PICALM: variants seen among roughly 807,000 people sequenced by gnomAD.
PICALM encodes the protein phosphatidylinositol-binding clathrin assembly protein.
In PICALM, 40 loss-of-function variants were observed where a neutral mutation model predicts 80.5. The ratio of observed to expected loss-of-function variants is 0.50; its 90% CI spans 0.39 to 0.65. PICALM has a LOEUF of 0.65. Among genes scored for constraint, PICALM ranks in the 30% least tolerant of loss-of-function variants. The pLI, the probability that PICALM is intolerant of heterozygous loss-of-function variation, is 0.00. For missense variants in PICALM, 676 were observed against 778.9 expected (o/e 0.87, Z 1.57); for synonymous variants, 288 against 260.3 (o/e 1.11, Z -1.02).
chr11:86,062,301 G>C (rs1260138226), intron 1 of PICALM, among the ~76,000 whole-genome samples: 1 of 152,154 alleles, frequency 6.6e-6, no homozygotes, highest in Non-Finnish European at 1.5e-5. Flanking sequence ...TGGATCACCT[G>C]AGGTCAGGAG....
intron 17 of PICALM, among the ~76,000 whole-genome samples, chr11:85,977,170 TACTC>T (rs1278735805): frequency 6.6e-6 from 1 of 152,210 alleles, no homozygotes; most frequent in Non-Finnish European, 1.5e-5. Context: ...CTAAGGATCT[TACTC>T]ACTCTTTTCA....
At chr11:85,969,273 T>G (rs1378401719) in intron 19 of PICALM, among the ~76,000 whole-genome samples, 1 of 152,182 alleles carries the variant, frequency 6.6e-6, no homozygotes, top group Non-Finnish European at 1.5e-5. Flanking sequence ...AATGTTAACT[T>G]GATATAATAG....
At chr11:86,011,914 G>C (rs1174283522) in intron 6 of PICALM, among the ~76,000 whole-genome samples, 1 of 147,284 alleles carries the variant, frequency 6.8e-6, no homozygotes, top group Non-Finnish European at 1.5e-5. Flanking sequence ...ACAATGGCAC[G>C]ATCTAGGCTC....
intron 1 of PICALM, among the ~76,000 whole-genome samples, chr11:86,055,015 T>C (rs925887385): frequency 1.3e-5 from 2 of 152,288 alleles, no homozygotes; most frequent in East Asian, 3.9e-4. Context: ...TTTTTAAATG[T>C]TGGCAAAAAT....
chr11:86,068,520 G>T, intron 1 of PICALM, 131 bp downstream of exon 1: 4 of 824,356 alleles, frequency 4.9e-6, no homozygotes, highest in South Asian at 3.6e-5. Flanking sequence ...AACGGGCACA[G>T]GACCGGCCGT....
At chr11:85,981,820 C>T in intron 15 of PICALM, 45 bp from the exon 16 acceptor site, 2 of 1,610,946 alleles carry the variant, frequency 1.2e-6, no homozygotes, top group Non-Finnish European at 1.7e-6. Context: ...ACACGAGACG[C>T]AGTTTAATAA....
At chr11:85,967,722 A>G (rs1193779103) in intron 19 of PICALM, among the ~76,000 whole-genome samples, 2 of 152,224 alleles carry the variant, frequency 1.3e-5, no homozygotes, top group Non-Finnish European at 2.9e-5. Context: ...AACAACAACA[A>G]CAAAACCAAA....
In PICALM at chr11:85,974,524, C is replaced by A; in HGVS notation, c.1944+184G>T. On this transcript the variant is annotated intron_variant, in intron 19 of 19. Transcript: ENST00000393346. Reference sequence around the variant, plus strand: ...TCTTTAGTATTTGCTATCTACTTATCCTTTCCCTCCAAATAATCAATATTC... The same window carrying A: ...TCTTTAGTATTTGCTATCTACTTATACTTTCCCTCCAAATAATCAATATTC... The A allele has an allele frequency of 8.5e-6, 6 of 709,736 alleles. No homozygotes were observed. The East Asian group carries it at 1.3e-4, about 16-fold the overall frequency. 44.0% of individuals were successfully genotyped at this position (709,736 alleles called of 1,614,324 possible).
chr11:85,966,507 AAAGT>A (rs2093904537), intron 19 of PICALM, among the ~76,000 whole-genome samples: 2 of 151,096 alleles, frequency 1.3e-5, no homozygotes, highest in South Asian at 4.2e-4. Flanking sequence ...TAAAGTACAC[AAAGT>A]AATACCACAA....
intron 12 of PICALM, among the ~76,000 whole-genome samples, chr11:85,990,783 G>C (rs1489746122): frequency 1.3e-5 from 2 of 152,096 alleles, no homozygotes; most frequent in African/African-American, 4.8e-5. Context: ...TTGACAATTG[G>C]TATGTGTGTT....
chr11:85,963,255 T>C (rs2093750657), intron 19 of PICALM, among the ~76,000 whole-genome samples: 1 of 152,202 alleles, frequency 6.6e-6, no homozygotes, highest in African/African-American at 2.4e-5. Context: ...CATCAAATTT[T>C]ACAAGAGAGC....
chr11:85,980,084 T>C (rs1044860599), intron 17 of PICALM, among the ~76,000 whole-genome samples: 1 of 152,212 alleles, frequency 6.6e-6, no homozygotes, highest in Admixed American at 6.5e-5. Context: ...ATGATAAACT[T>C]TGTGACACCA....
chr11:85,982,293 T>C (rs2094461883), intron 14 of PICALM: 1 of 257,360 alleles, frequency 3.9e-6, no homozygotes, highest in Admixed American at 4.8e-5. Context: ...AAAAAACAAA[T>C]GTAATTCTCC....
intron 14 of PICALM, among the ~76,000 whole-genome samples, chr11:85,983,244 T>G (rs1400214927): frequency 3.3e-5 from 5 of 152,162 alleles, no homozygotes; most frequent in Non-Finnish European, 7.4e-5. Flanking sequence ...AAGAACAGAA[T>G]TATGAGTGTC....
chr11:86,058,892 A>T (rs1015941333), intron 1 of PICALM, among the ~76,000 whole-genome samples: 1 of 152,202 alleles, frequency 6.6e-6, no homozygotes, highest in African/African-American at 2.4e-5. Context: ...TTTAATTCTT[A>T]AAAATTACAT....
intron 1 of PICALM, among the ~76,000 whole-genome samples, chr11:86,038,445 G>T (rs1025246343): frequency 6.6e-6 from 1 of 152,162 alleles, no homozygotes; most frequent in African/African-American, 2.4e-5. Flanking sequence ...CTCTTACAAT[G>T]GTAAATGAGC....
chr11:86,002,208 G>A (rs1053147646), intron 9 of PICALM, among the ~76,000 whole-genome samples: 2 of 151,962 alleles, frequency 1.3e-5, no homozygotes, highest in African/African-American at 2.4e-5. Context: ...CTGCTACTTC[G>A]AAAATCTTAC....
rs199635223 is a variant in PICALM, at chr11:86,021,495, T to TAA, written c.452+870_452+871dup. 2.6e-3 allele frequency among the ~76,000 whole-genome samples: 351 copies of TAA among 134,096 alleles called. 2 individuals are homozygous for TAA. The highest frequency in any genetic ancestry group is 9.2e-3 in the African/African-American group (318 of 34,686). 88.0% of individuals were successfully genotyped at this position (134,096 alleles called of 152,430 possible). ...CACACCCACTAGGATGGCTACCATT[T>TAA]AAGAAAAAAAAAAAAAGGCAAAAAA... is the stretch of plus-strand genomic sequence containing the variant. On this transcript the variant is annotated intron_variant, in intron 4 of 19. Coordinates refer to ENST00000393346, the MANE Select transcript of PICALM (RefSeq NM_007166.4).
intron 1 of PICALM, among the ~76,000 whole-genome samples, chr11:86,038,319 C>T (rs939373603): frequency 2.7e-5 from 4 of 150,294 alleles, no homozygotes; most frequent in South Asian, 2.1e-4. Flanking sequence ...AGACTCCATC[C>T]GAAAAAAATT....
Sources: allele counts gnomAD v4.1 joint callset (sites outside exome capture counted in the v4.1 genomes callset), GRCh38; gene constraint gnomAD v4.1.1; transcripts MANE v1.5; gene names NCBI Gene and HGNC (gene_info 2026-07-23, HGNC 2026-07-21).